The following ATP8A1 variants were observed in gnomAD, a reference collection of about 807,000 sequenced individuals.
The protein encoded by ATP8A1 is phospholipid-transporting ATPase IA.
A neutral mutation model predicts 177.7 loss-of-function variants in ATP8A1; 90 were observed. The observed-to-expected ratio is 0.51, with a 90% CI of 0.43 to 0.60. The LOEUF (loss-of-function observed/expected upper bound fraction) is 0.60, where lower values mean the gene tolerates loss of function less well. Among genes scored for constraint, ATP8A1 ranks in the 20% least tolerant of loss-of-function variants. ATP8A1 has a pLI of 0.00. For synonymous variants in ATP8A1, 493 were observed against 485.9 expected (o/e 1.01, Z -0.19); for missense variants, 1,072 against 1,392.8 (o/e 0.77, Z 3.67).
Position 42,473,816 on chromosome 4 carries a change from T to TTG in ATP8A1, c.2325-8742_2325-8741dup, listed in dbSNP as rs773729594. Among the ~76,000 whole-genome samples the TTG allele has an allele frequency of 4.6e-4, 51 of 110,528 alleles. No homozygotes were observed. In the East Asian group the frequency reaches 5.3e-3, roughly 12 times the overall value. 72.5% of individuals were successfully genotyped at this position (110,528 alleles called of 152,430 possible). On this transcript the variant is annotated intron_variant, in intron 25 of 36. Transcript: ENST00000381668. Reference sequence around the variant, plus strand: ...GTACGCCACCATGCATGGCTAATTTTTGTGTTTTTTTTTTTTTTGTAGAGA... The same window carrying TTG: ...GTACGCCACCATGCATGGCTAATTTTTGTGTGTTTTTTTTTTTTTTGTAGAGA...
At chr4:42,636,156 A>ACACACACACACGCGCGTGCGCGCG (rs565139270) in intron 1 of ATP8A1, among the ~76,000 whole-genome samples, 11 of 90,898 alleles carry the variant, frequency 1.2e-4, no homozygotes, top group African/African-American at 3.6e-4. Flanking sequence ...ACACACACAC[A>ACACACACACACGCGCGTGCGCGCG]CGCACACACA....
intron 20 of ATP8A1, among the ~76,000 whole-genome samples, chr4:42,536,245 G>A (rs1010337709): frequency 4.6e-5 from 7 of 152,152 alleles, no homozygotes; most frequent in Non-Finnish European, 8.8e-5. Context: ...ATCCAAATAA[G>A]CTCAGTTAGA....
chr4:42,508,493 C>T lies in ATP8A1; in HGVS notation c.1948-1339G>A, dbSNP rs146677913. On this transcript the variant is annotated intron_variant, in intron 22 of 36. Transcript: ENST00000381668. ...CATCTTCCTAAACGGAGATGGTAAG[C>T]GGGAGAGAACAATCTCTTGGCTGTT... Among the ~76,000 whole-genome samples, 914 of 152,278 alleles carry T rather than the reference C, an allele frequency of 6.0e-3. 6 individuals carry two copies. Among genetic ancestry groups the T allele is most frequent in the South Asian group, 0.019 (90 of 4,822 alleles).
chr4:42,605,484 T>C (rs761382500), intron 5 of ATP8A1, among the ~76,000 whole-genome samples: 10 of 152,278 alleles, frequency 6.6e-5, no homozygotes, highest in South Asian at 6.2e-4. Flanking sequence ...ACATGGGAAG[T>C]GTCACAACAG....
intron 6 of ATP8A1, among the ~76,000 whole-genome samples, chr4:42,592,749 C>T (rs944923973): frequency 6.6e-6 from 1 of 152,002 alleles, no homozygotes; most frequent in Non-Finnish European, 1.5e-5. Flanking sequence ...GCAGATTGCT[C>T]CTAGGCTACA....
intron 21 of ATP8A1, among the ~76,000 whole-genome samples, chr4:42,523,678 C>T (rs1258609571): frequency 6.6e-6 from 1 of 152,124 alleles, no homozygotes; most frequent in Non-Finnish European, 1.5e-5. Flanking sequence ...GTATCTTTAA[C>T]ATCACATCTA....
chr4:42,511,968 C>T (rs1488955557), intron 22 of ATP8A1, among the ~76,000 whole-genome samples: 1 of 152,106 alleles, frequency 6.6e-6, no homozygotes, highest in East Asian at 1.9e-4. Context: ...AATTGTACCA[C>T]TGGAGTAAAT....
At chr4:42,459,729 CGAGT>C (rs1718885334) in intron 27 of ATP8A1, among the ~76,000 whole-genome samples, 1 of 152,172 alleles carries the variant, frequency 6.6e-6, no homozygotes, top group South Asian at 2.1e-4. Context: ...CAGTAATGAA[CGAGT>C]AAGTTCATTT....
chr4:42,552,872 G>A (rs761238637), intron 16 of ATP8A1, among the ~76,000 whole-genome samples: 1 of 152,190 alleles, frequency 6.6e-6, no homozygotes, highest in Non-Finnish European at 1.5e-5. Flanking sequence ...CCAGCTATTC[G>A]GGAAGCTGAG....
chr4:42,649,559 T>C (rs1421857463), intron 1 of ATP8A1, among the ~76,000 whole-genome samples: 1 of 152,092 alleles, frequency 6.6e-6, no homozygotes, highest in Non-Finnish European at 1.5e-5. Flanking sequence ...AAGCATGAGT[T>C]TTTCCCAGTA....
intron 25 of ATP8A1, 116 bp downstream of exon 25, chr4:42,485,380 A>G: frequency 3.2e-6 from 3 of 943,996 alleles, no homozygotes; most frequent in South Asian, 3.9e-5. Flanking sequence ...GAGTGAACAC[A>G]TTAGTAAGTA....
chr4:42,415,714 G>C (rs1307433935), intron 35 of ATP8A1, among the ~76,000 whole-genome samples: 1 of 152,072 alleles, frequency 6.6e-6, no homozygotes, highest in Non-Finnish European at 1.5e-5. Context: ...TTTCCATCTT[G>C]TGTTTTTCCC....
chr4:42,520,738 A>G (rs923995997), intron 22 of ATP8A1, among the ~76,000 whole-genome samples: 2 of 152,170 alleles, frequency 1.3e-5, no homozygotes, highest in Admixed American at 6.5e-5. Context: ...AAGTTCAAAT[A>G]TAAGGAGGAG....
At chr4:42,570,270 A>G (rs1320324816) in intron 14 of ATP8A1, among the ~76,000 whole-genome samples, 1 of 152,116 alleles carries the variant, frequency 6.6e-6, no homozygotes, top group Non-Finnish European at 1.5e-5. Context: ...TCTCTCTCCT[A>G]CCAAAGGGCT....
intron 33 of ATP8A1, among the ~76,000 whole-genome samples, chr4:42,425,632 T>C (rs1714522833): frequency 6.6e-6 from 1 of 151,870 alleles, no homozygotes; most frequent in South Asian, 2.1e-4. Context: ...CCCCTCACTC[T>C]GAAGAAACCA....
intron 20 of ATP8A1, among the ~76,000 whole-genome samples, chr4:42,541,567 A>C (rs575232261): frequency 1.1e-4 from 16 of 152,236 alleles, no homozygotes; most frequent in Non-Finnish European, 2.4e-4. Flanking sequence ...AAAAACATGC[A>C]TATGCATGTT....
chr4:42,570,007 T>A (rs1362863734), intron 14 of ATP8A1, among the ~76,000 whole-genome samples: 1 of 152,208 alleles, frequency 6.6e-6, no homozygotes, highest in Non-Finnish European at 1.5e-5. Context: ...TTATTAGACA[T>A]GGAGTTTTAA....
Position 42,485,616 on chromosome 4 carries a change from C to A in ATP8A1, c.2204G>T (p.Arg735Leu). 4 of 1,613,622 alleles carry A rather than the reference C, an allele frequency of 2.5e-6. No individual in the cohort carries two copies. The highest frequency in any genetic ancestry group is 3.4e-6 in the Non-Finnish European group (4 of 1,179,738). The change falls in exon 25 of 37, where the codon CGG becomes CTG. Residue 735 changes from arginine to leucine, a missense_variant. By Grantham distance (102) the Arg-to-Leu change is moderately radical. Coordinates refer to ENST00000381668, the MANE Select transcript of ATP8A1 (RefSeq NM_006095.2). ...RHCTTLGDAL[R>L]KENDFALIID... ...TATAAGAGCAAAATCATTCTCTTTCCGGAGAGCATCACCAAGGGTAGTACA... is the reference window on the plus strand; with the variant it reads ...TATAAGAGCAAAATCATTCTCTTTCAGGAGAGCATCACCAAGGGTAGTACA...
intron 5 of ATP8A1, among the ~76,000 whole-genome samples, chr4:42,607,039 T>C (rs1735861679): frequency 6.6e-6 from 1 of 152,226 alleles, no homozygotes. Flanking sequence ...AAATTACCTT[T>C]ACATCCCTAC....
Sources: allele counts gnomAD v4.1 joint callset (sites outside exome capture counted in the v4.1 genomes callset), GRCh38; gene constraint gnomAD v4.1.1; transcripts MANE v1.5; gene names NCBI Gene and HGNC (gene_info 2026-07-23, HGNC 2026-07-21).